The following MS4A13 variants were observed in gnomAD, a reference collection of about 807,000 sequenced individuals.
The protein encoded by MS4A13 is membrane spanning 4-domains A13, also known as membrane-spanning 4-domains subfamily A member 13.
Under a neutral mutation model 18.4 loss-of-function variants are expected in MS4A13, and 21 were observed. That is an observed-to-expected ratio of 1.14 (90% CI 0.81 to 1.64). MS4A13 has a LOEUF of 1.64. Ranked by LOEUF, MS4A13 falls within the 40% of genes most tolerant of loss-of-function variation. The probability of loss-of-function intolerance (pLI) is 0.00; values close to 1 mark genes in which losing one functional copy is unlikely to be tolerated. For synonymous variants in MS4A13, 62 were observed against 57.2 expected (o/e 1.08, Z -0.38); for missense variants, 173 against 176.8 (o/e 0.98, Z 0.12).
At chr11:60,543,123 C>T (rs574559416), downstream of MS4A13, among the ~76,000 whole-genome samples, 2 of 152,268 alleles carry the variant, frequency 1.3e-5, no homozygotes, top group South Asian at 4.1e-4. Context: ...TCTTTCTTAT[C>T]TTTCTTTCCC....
At chr11:60,518,305 T>C (rs2086651680) in intron 3 of MS4A13, 93 bp downstream of exon 3, 4 of 1,037,434 alleles carry the variant, frequency 3.9e-6, no homozygotes, top group Admixed American at 5.6e-5. Context: ...AACAAGGTTT[T>C]CAGGAGAATT....
intron 5 of MS4A13, among the ~76,000 whole-genome samples, chr11:60,528,979 A>C (rs928941704): frequency 2.6e-5 from 4 of 152,220 alleles, no homozygotes; most frequent in Non-Finnish European, 5.9e-5. Flanking sequence ...TTAATAGAAA[A>C]GGATTGCTTG....
At chr11:60,528,438 T>C (rs906922556) in intron 5 of MS4A13, among the ~76,000 whole-genome samples, 1 of 152,160 alleles carries the variant, frequency 6.6e-6, no homozygotes, top group Non-Finnish European at 1.5e-5. Flanking sequence ...TTGAGCAAGT[T>C]TTTATCCATT....
chr11:60,524,003 A>G (rs1461210575), intron 4 of MS4A13, 50 bp downstream of exon 4: 2 of 1,117,960 alleles, frequency 1.8e-6, no homozygotes, highest in Non-Finnish European at 2.7e-6. Flanking sequence ...TCACAAAGCT[A>G]AATATTAAGT....
At chr11:60,526,882 C>T (rs2086717039) in intron 5 of MS4A13, among the ~76,000 whole-genome samples, 1 of 152,196 alleles carries the variant, frequency 6.6e-6, no homozygotes, top group Non-Finnish European at 1.5e-5. Context: ...TCAGTACTCA[C>T]TGTGTGTAAA....
At position 60,525,341 on chromosome 11, in the gene MS4A13, C is replaced by T; in HGVS notation, c.306+15C>T. The T allele has an allele frequency of 6.6e-7, 1 of 1,521,678 alleles. No individual in the cohort carries two copies. Among genetic ancestry groups the T allele is most frequent in the Non-Finnish European group, 8.9e-7 (1 of 1,126,462 alleles). The allele number at this position is 1,521,678 out of a possible 1,614,324, so 94.3% of individuals were successfully genotyped here. On this transcript the variant is annotated intron_variant, in intron 5 of 6. Transcript: ENST00000378186. The stretch of plus-strand genomic sequence containing the variant: ...ATGGACAAGCAGTAAGTGACCAATT[C>T]TATGGGAACATATTAATTTTAAAAT...
intron 6 of MS4A13, among the ~76,000 whole-genome samples, chr11:60,532,405 G>A (rs983816830): frequency 6.6e-6 from 1 of 152,200 alleles, no homozygotes; most frequent in Non-Finnish European, 1.5e-5. Flanking sequence ...CAAAGAAAGG[G>A]GTGACGGACG....
intron 6 of MS4A13, among the ~76,000 whole-genome samples, chr11:60,531,585 C>A (rs1965500233): frequency 1.3e-5 from 2 of 152,312 alleles, no homozygotes; most frequent in South Asian, 4.1e-4. Context: ...GTGTCTAATA[C>A]TTTCCTAGAG....
chr11:60,532,651 G>T (rs1397561887), intron 6 of MS4A13, among the ~76,000 whole-genome samples: 3 of 151,406 alleles, frequency 2.0e-5, no homozygotes, highest in Admixed American at 1.3e-4. Flanking sequence ...CTGGAAGCTC[G>T]AACTGGGTGG....
At chr11:60,524,912 G>A (rs960466429) in intron 4 of MS4A13, among the ~76,000 whole-genome samples, 4 of 151,914 alleles carry the variant, frequency 2.6e-5, no homozygotes, top group Admixed American at 2.6e-4. Flanking sequence ...CACCCGTCTC[G>A]GCCTCCCAAA....
chr11:60,532,716 G>T (rs2135264989), intron 6 of MS4A13, among the ~76,000 whole-genome samples: 1 of 146,334 alleles, frequency 6.8e-6, no homozygotes, highest in East Asian at 2.1e-4. Flanking sequence ...ACCTCTGGGG[G>T]CAGGGCACAG....
chr11:60,538,440 G>GTAGTAAGTA (rs2086828510), intron 6 of MS4A13, among the ~76,000 whole-genome samples: 1 of 151,552 alleles, frequency 6.6e-6, no homozygotes, highest in African/African-American at 2.4e-5. Context: ...ACAAAGAAAA[G>GTAGTAAGTA]TAGTAAGTAT....
At position 60,542,636 on chromosome 11, in the gene MS4A13, C is replaced by G. The variant is rs1338310379; in HGVS notation, c.*61C>G. 8 of 988,914 alleles carry G rather than the reference C, an allele frequency of 8.1e-6. No homozygotes were observed. Among genetic ancestry groups the G allele is most frequent in the Non-Finnish European group, 1.2e-5 (8 of 664,434 alleles). The allele number at this position is 988,914 out of a possible 1,614,324, so 61.3% of individuals were successfully genotyped here. A position where few individuals can be genotyped will look rare whatever the true frequency, so the allele number is the denominator to read the frequency against. ...TGCCTGGTGTGGGTCCTAATGATAT[C>G]TCTGTATAACAAAGCAGTTACGAAG... On this transcript the variant is annotated 3_prime_UTR_variant, in exon 7 of 7. Coordinates refer to ENST00000378186, the MANE Select transcript of MS4A13 (RefSeq NM_001012417.3).
intron 3 of MS4A13, 116 bp from the exon 4 acceptor site, chr11:60,523,781 T>C (rs1240020067): frequency 6.1e-6 from 4 of 652,928 alleles, no homozygotes; most frequent in Non-Finnish European, 1.1e-5. Context: ...AACTTCTGTA[T>C]ATTTTGTTAC....
chr11:60,517,007 T>TA (rs541112157), intron 2 of MS4A13, among the ~76,000 whole-genome samples: 6,092 of 134,198 alleles, frequency 0.045, 158 homozygotes, highest in Middle Eastern at 0.097. Flanking sequence ...GATAAAACAA[T>TA]AAAAAAAAAA....
chr11:60,541,598 C>G (rs10897086), intron 6 of MS4A13, among the ~76,000 whole-genome samples: 24,966 of 151,932 alleles, frequency 0.16, 2,301 homozygotes, highest in East Asian at 0.28. Flanking sequence ...AAGCTTAGTT[C>G]ATGAAACTAG....
At chr11:60,520,329 G>A (rs1278248559) in intron 3 of MS4A13, among the ~76,000 whole-genome samples, 2 of 152,060 alleles carry the variant, frequency 1.3e-5, no homozygotes, top group African/African-American at 4.8e-5. Context: ...GTCCCCCAAA[G>A]TCTTAACTCA....
At position 60,542,565 on chromosome 11, in the gene MS4A13, G is replaced by A; in HGVS notation, c.449G>A (p.Ser150Asn). 6.2e-7 allele frequency: 1 copy of A among 1,609,346 alleles called. No individual in the cohort carries two copies. The highest frequency in any genetic ancestry group is 8.5e-7 in the Non-Finnish European group (1 of 1,177,046). ...ACATCTGTTACTGAGGAAGCTGAGAGCACTCCTTAAAAACCCTAGAAATAT... is the reference window on the plus strand; with the variant it reads ...ACATCTGTTACTGAGGAAGCTGAGAACACTCCTTAAAAACCCTAGAAATAT... Reference protein sequence around the residue: ...DLTSVTEEAESTP With the variant: ...DLTSVTEEAENTP Residue 150 changes from serine (S) to asparagine (N), a missense_variant, in exon 7 of 7, where the codon AGC becomes AAC. By Grantham distance (46) the Ser-to-Asn change is conservative. Transcript: ENST00000378186.
chr11:60,542,056 C>T (rs1209914043), intron 6 of MS4A13, among the ~76,000 whole-genome samples: 3 of 149,552 alleles, frequency 2.0e-5, no homozygotes, highest in African/African-American at 4.9e-5. Flanking sequence ...TGCAGTGAGC[C>T]GAGATCGCAC....
Sources: gnomAD v4.1 joint callset for allele counts (sites outside exome capture counted in the v4.1 genomes callset) on GRCh38, gnomAD v4.1.1 for gene constraint, MANE v1.5 for transcripts, NCBI Gene and HGNC (gene_info 2026-07-23, HGNC 2026-07-21) for gene names.